The following DLG2 variants were observed in gnomAD, a reference collection of about 807,000 sequenced individuals.
The protein encoded by DLG2 is discs large MAGUK scaffold protein 2, also known as disks large homolog 2.
DLG2 carries 45 observed loss-of-function variants against 132.5 expected under a neutral mutation model. The observed-to-expected ratio is 0.34, with a 90% CI of 0.27 to 0.44. The LOEUF is 0.44. Among genes scored for constraint, DLG2 ranks in the 20% least tolerant of loss-of-function variants. The pLI is 1.00. For synonymous variants in DLG2, 424 were observed against 419.6 expected, an observed-to-expected ratio of 1.01 and a Z score of -0.13; for missense variants, 1,045 against 1,196.9, an observed-to-expected ratio of 0.87 and a Z score of 1.87.
intron 8 of DLG2, among the ~76,000 whole-genome samples, chr11:84,207,741 T>C (rs1174155197): frequency 1.3e-5 from 2 of 152,210 alleles, no homozygotes; most frequent in Non-Finnish European, 2.9e-5. Flanking sequence ...AAAGGTATTT[T>C]AGAATCCAAC....
chr11:84,167,371 T>C (rs978256234), intron 8 of DLG2, among the ~76,000 whole-genome samples: 1 of 152,208 alleles, frequency 6.6e-6, no homozygotes, highest in Non-Finnish European at 1.5e-5. Context: ...TCTAATTTAA[T>C]GAATGTTGAA....
chr11:84,862,568 C>T (rs1310293449), intron 6 of DLG2, among the ~76,000 whole-genome samples: 1 of 152,060 alleles, frequency 6.6e-6, no homozygotes, highest in Non-Finnish European at 1.5e-5. Context: ...TTGAAACCAA[C>T]CCAAATGACC....
intron 3 of DLG2, among the ~76,000 whole-genome samples, chr11:85,489,697 T>C (rs1259104351): frequency 6.6e-6 from 1 of 152,040 alleles, no homozygotes; most frequent in Non-Finnish European, 1.5e-5. Context: ...TTTTTGAAAA[T>C]CAAAATCATA....
intron 7 of DLG2, chr11:84,317,049 A>T: frequency 6.2e-7 from 1 of 1,612,834 alleles, no homozygotes; most frequent in Non-Finnish European, 8.5e-7. Flanking sequence ...CCACAAGCAC[A>T]GTGGGCATCC....
At chr11:85,357,069 G>A (rs1356691808) in intron 3 of DLG2, among the ~76,000 whole-genome samples, 1 of 151,960 alleles carries the variant, frequency 6.6e-6, no homozygotes, top group Non-Finnish European at 1.5e-5. Flanking sequence ...ATGGCACCAA[G>A]TAGGTGCTCA....
intron 6 of DLG2, among the ~76,000 whole-genome samples, chr11:84,994,448 G>A (rs2057438848): frequency 6.6e-6 from 1 of 152,156 alleles, no homozygotes; most frequent in Admixed American, 6.5e-5. Context: ...ACTAGCCACT[G>A]AAGTTAAGGT....
intron 3 of DLG2, among the ~76,000 whole-genome samples, chr11:85,416,174 A>G (rs2089827938): frequency 6.6e-6 from 1 of 151,662 alleles, no homozygotes; most frequent in Non-Finnish European, 1.5e-5. Context: ...CAAAGATCAG[A>G]TGGTTGTAGA....
intron 6 of DLG2, among the ~76,000 whole-genome samples, chr11:84,751,713 T>A (rs1286379376): frequency 6.6e-6 from 1 of 152,230 alleles, no homozygotes; most frequent in East Asian, 1.9e-4. Flanking sequence ...TTGAATTTGT[T>A]TTTTAAGTAA....
rs998796313 is a variant in DLG2, at chr11:83,856,676, G to A, written c.1565+17744C>T. On this transcript the variant is annotated intron_variant, in intron 16 of 27. Transcript: ENST00000376104. ...TGTCCTTTGCCCACTTTTTAATGGG[G>A]TTGTTTGTCTTTTTCTGTACATTCC... Among the ~76,000 whole-genome samples the A allele has an allele frequency of 1.2e-4, 19 of 152,046 alleles. 1 individual carries two copies. The highest frequency in any genetic ancestry group is 3.4e-4 in the African/African-American group (14 of 41,404).
At chr11:84,334,579 C>A (rs1230742215) in intron 7 of DLG2, among the ~76,000 whole-genome samples, 1 of 152,136 alleles carries the variant, frequency 6.6e-6, no homozygotes, top group Non-Finnish European at 1.5e-5. Context: ...AAGCTAAGAA[C>A]TAAATATAGG....
intron 8 of DLG2, among the ~76,000 whole-genome samples, chr11:84,223,041 G>A (rs1379118240): frequency 6.6e-6 from 1 of 152,270 alleles, no homozygotes; most frequent in Non-Finnish European, 1.5e-5. Flanking sequence ...ACTGGGTCAG[G>A]TTCCTGGACA....
At chr11:84,850,248 A>C (rs1456271003) in intron 6 of DLG2, among the ~76,000 whole-genome samples, 1 of 152,106 alleles carries the variant, frequency 6.6e-6, no homozygotes, top group Non-Finnish European at 1.5e-5. Flanking sequence ...GCCCTTAAAA[A>C]TTTGCTATGC....
intron 6 of DLG2, among the ~76,000 whole-genome samples, chr11:84,717,285 G>T (rs759333158): frequency 6.6e-6 from 1 of 151,970 alleles, no homozygotes; most frequent in African/African-American, 2.4e-5. Context: ...GGTTTCTGAA[G>T]TATCCTTATT....
intron 3 of DLG2, among the ~76,000 whole-genome samples, chr11:85,464,523 C>T (rs1358353016): frequency 2.0e-5 from 3 of 152,040 alleles, no homozygotes; most frequent in South Asian, 2.1e-4. Flanking sequence ...TTACAGGTCA[C>T]AAGTTCGGGT....
chr11:83,765,598 A>C (rs974653095), intron 18 of DLG2, among the ~76,000 whole-genome samples: 5 of 152,232 alleles, frequency 3.3e-5, no homozygotes, highest in African/African-American at 1.2e-4. Flanking sequence ...CTTCAGTTTT[A>C]ACAGAGGTTA....
At chr11:85,521,171 C>A (rs2074280313) in intron 3 of DLG2, among the ~76,000 whole-genome samples, 2 of 152,162 alleles carry the variant, frequency 1.3e-5, no homozygotes, top group Non-Finnish European at 1.5e-5. Flanking sequence ...TAATTATAAT[C>A]CCCATGTGTT....
At chr11:84,635,071 G>C (rs570133432) in intron 6 of DLG2, among the ~76,000 whole-genome samples, 1 of 152,352 alleles carries the variant, frequency 6.6e-6, no homozygotes, top group East Asian at 1.9e-4. Flanking sequence ...AGAAAACAAA[G>C]CTTCAGTTTC....
chr11:85,619,425 A>C (rs1333751955), intron 2 of DLG2, among the ~76,000 whole-genome samples: 1 of 152,196 alleles, frequency 6.6e-6, no homozygotes, highest in Non-Finnish European at 1.5e-5. Context: ...AGAAAATGCA[A>C]AAGTTTGAAA....
chr11:83,720,479 C>T (rs2088195723), intron 18 of DLG2, among the ~76,000 whole-genome samples: 1 of 151,680 alleles, frequency 6.6e-6, no homozygotes, highest in Admixed American at 6.6e-5. Flanking sequence ...ATAATTACAA[C>T]CTACAGATGG....
Sources: gnomAD v4.1 joint callset for allele counts (sites outside exome capture counted in the v4.1 genomes callset) on GRCh38, gnomAD v4.1.1 for gene constraint, MANE v1.5 for transcripts, NCBI Gene and HGNC (gene_info 2026-07-23, HGNC 2026-07-21) for gene names.